Variants in CD244 observed in about 807,000 individuals in gnomAD.
CD244 encodes the protein CD244 molecule.
CD244 carries 20 observed loss-of-function variants against 45.5 expected under a neutral mutation model. The observed-to-expected ratio is 0.44, with a 90% CI of 0.31 to 0.64. The LOEUF is 0.64. Among genes scored for constraint, CD244 ranks in the 30% least tolerant of loss-of-function variants. CD244 has a pLI of 0.08. For synonymous variants in CD244, 185 were observed against 160.5 expected, an observed-to-expected ratio of 1.15 and a Z score of -1.15; for missense variants, 407 against 426.9, an observed-to-expected ratio of 0.95 and a Z score of 0.41.
chr1:160,839,727 G>A (rs1669465678), intron 3 of CD244, among the ~76,000 whole-genome samples: 1 of 152,198 alleles, frequency 6.6e-6, no homozygotes. Context: ...ATCTGTGGTT[G>A]CGAGGTGGGT....
Position 160,862,314 on chromosome 1 carries a change from C to T in CD244, c.61+303G>A, listed in dbSNP as rs151300465. On this transcript the variant is annotated intron_variant, in intron 1 of 8. Coordinates refer to ENST00000368034, the MANE Select transcript of CD244 (RefSeq NM_016382.4). ...ATGCAATTTTCATCATCTTTACAGG[C>T]GGCTGGAAGGAGGCTTCTCTCTCCA... Among the ~76,000 whole-genome samples the T allele has an allele frequency of 9.5e-4, 144 of 152,246 alleles. 1 individual carries two copies. The highest frequency in any genetic ancestry group is 3.3e-3 in the African/African-American group (136 of 41,544).
rs1557833314 is a variant in CD244 at position 160,838,394 on chromosome 1, T to C, written c.834+57A>G. On this transcript the variant is annotated intron_variant, in intron 5 of 8. Coordinates refer to ENST00000368034, the MANE Select transcript of CD244 (RefSeq NM_016382.4). ...GTCCCTCTGCTCTGAATAACCATCA[T>C]TGAAAGAGCATTTTCCAAGCCAGCT... 4.0e-6 allele frequency: 5 copies of C among 1,256,674 alleles called. No individual in the cohort carries two copies. The East Asian group carries it at 6.9e-5, about 17-fold the overall frequency. 77.8% of individuals were successfully genotyped at this position (1,256,674 alleles called of 1,614,324 possible).
intron 7 of CD244, among the ~76,000 whole-genome samples, chr1:160,833,073 A>G (rs1351815639): frequency 6.6e-6 from 1 of 151,968 alleles, no homozygotes; most frequent in Non-Finnish European, 1.5e-5. Flanking sequence ...AATGTAAACA[A>G]TCCAGGCATA....
chr1:160,836,403 A>C (rs1251798043), intron 5 of CD244, 149 bp from the exon 6 acceptor site: 2 of 676,582 alleles, frequency 3.0e-6, no homozygotes, highest in Non-Finnish European at 5.3e-6. Flanking sequence ...GATCCTCCCA[A>C]GATGGGAAGA....
chr1:160,832,686 A>T (rs774279904), intron 7 of CD244, 111 bp from the exon 8 acceptor site: 4 of 1,550,964 alleles, frequency 2.6e-6, no homozygotes, highest in Non-Finnish European at 3.5e-6. Context: ...ATTCTGAGGC[A>T]CTCTCAGCCA....
intron 1 of CD244, among the ~76,000 whole-genome samples, chr1:160,854,686 T>C (rs1325887523): frequency 2.6e-5 from 4 of 152,062 alleles, no homozygotes; most frequent in Admixed American, 6.6e-5. Context: ...CTCCCAGCCA[T>C]AGACTTCTAA....
chr1:160,835,515 G>A (rs1669302408), intron 6 of CD244, among the ~76,000 whole-genome samples: 1 of 152,144 alleles, frequency 6.6e-6, no homozygotes, highest in Admixed American at 6.5e-5. Context: ...AGGAGGCTGA[G>A]GTGGGAGGAT....
chr1:160,858,812 T>C (rs12038600), intron 1 of CD244, among the ~76,000 whole-genome samples: 45,458 of 152,024 alleles, frequency 0.3, 8,196 homozygotes, highest in African/African-American at 0.5. Context: ...TTCAGAGCTA[T>C]TCAAAATATA....
At chr1:160,846,744 A>G (rs376091073) in intron 1 of CD244, among the ~76,000 whole-genome samples, 18 of 152,358 alleles carry the variant, frequency 1.2e-4, no homozygotes, top group African/African-American at 4.1e-4. Flanking sequence ...AATTTGTCAC[A>G]AAAAGGCCTG....
At chr1:160,833,320 G>T (rs1196300022) in intron 7 of CD244, among the ~76,000 whole-genome samples, 2 of 152,102 alleles carry the variant, frequency 1.3e-5, no homozygotes, top group Non-Finnish European at 2.9e-5. Context: ...TCAAACCTGT[G>T]GTCCCTGACC....
At chr1:160,856,906 T>C (rs1242219567) in intron 1 of CD244, among the ~76,000 whole-genome samples, 1 of 151,172 alleles carries the variant, frequency 6.6e-6, no homozygotes, top group Non-Finnish European at 1.5e-5. Flanking sequence ...GGAAAAAAAA[T>C]TGCAAACTAT....
Position 160,838,517 on chromosome 1 carries a change from C to T in CD244, c.768G>A (p.Glu256=). Reference sequence around the variant, plus strand: ...TTGTCAAAAATTCCTTGGGACTGGTCTCTGAGGGAGGAAGAAAACAAAGAG... The same window carrying T: ...TTGTCAAAAATTCCTTGGGACTGGTTTCTGAGGGAGGAAGAAAACAAAGAG... ...WRRKRKEKQS[E]TSPKEFLTIY... is the part of the protein sequence containing the mutation. Residue 256 remains glutamate (E), a splice_region_variant and synonymous_variant, in exon 5 of 9, where the codon GAG becomes GAA. Coordinates refer to ENST00000368034, the MANE Select transcript of CD244 (RefSeq NM_016382.4). 6.2e-7 allele frequency: 1 copy of T among 1,611,008 alleles called. No homozygotes were observed. Among genetic ancestry groups the T allele is most frequent in the South Asian group, 1.1e-5 (1 of 91,000 alleles).
Position 160,838,526 on chromosome 1 carries a change from A to C in CD244, c.767-8T>G, listed in dbSNP as rs1248114704. 1 of 1,607,168 alleles carries C rather than the reference A, an allele frequency of 6.2e-7. No homozygotes were observed. ...ATTCCTTGGGACTGGTCTCTGAGGG[A>C]GGAAGAAAACAAAGAGCAGAGCTGC... On this transcript the variant is annotated splice_polypyrimidine_tract_variant and splice_region_variant and intron_variant, in intron 4 of 8. Coordinates refer to ENST00000368034, the MANE Select transcript of CD244 (RefSeq NM_016382.4).
intron 1 of CD244, among the ~76,000 whole-genome samples, chr1:160,847,269 C>A (rs559211095): frequency 6.6e-6 from 1 of 151,978 alleles, no homozygotes; most frequent in Non-Finnish European, 1.5e-5. Flanking sequence ...AGTTTTATTA[C>A]ATCTGTCTCT....
At chr1:160,842,268 G>C (rs1428486478) in intron 1 of CD244, among the ~76,000 whole-genome samples, 2 of 152,024 alleles carry the variant, frequency 1.3e-5, no homozygotes, top group African/African-American at 4.8e-5. Context: ...TTGTTTTCTA[G>C]AGACAGGGTC....
intron 1 of CD244, among the ~76,000 whole-genome samples, chr1:160,842,278 C>A (rs1052775361): frequency 4.6e-5 from 7 of 152,098 alleles, no homozygotes; most frequent in African/African-American, 1.7e-4. Context: ...GAGACAGGGT[C>A]TCACTCTGTC....
chr1:160,841,266 A>G lies in CD244; in HGVS notation c.599T>C (p.Val200Ala). ...HTYTCNVSNPVSWESHTLNLT... is the reference protein window; with the variant it reads ...HTYTCNVSNPASWESHTLNLT... Reference sequence around the variant, plus strand: ...ATTCAGGGTGTGGCTTTCCCAGCTAACAGGATTGCTGACATTGCAGGTATA... The same window carrying G: ...ATTCAGGGTGTGGCTTTCCCAGCTAGCAGGATTGCTGACATTGCAGGTATA... Residue 200 changes from valine to alanine, a missense_variant, in exon 3 of 9, where the codon GTT (valine) becomes GCT (alanine). By Grantham distance (64) the Val-to-Ala change is moderately conservative (BLOSUM62 0). Transcript: ENST00000368034. 6.2e-7 allele frequency: 1 copy of G among 1,614,218 alleles called. No individual in the cohort carries two copies. The highest frequency in any genetic ancestry group is 8.5e-7 in the Non-Finnish European group (1 of 1,180,032).
chr1:160,848,415 T>C, intron 1 of CD244: 5 of 554,470 alleles, frequency 9.0e-6, no homozygotes, highest in Admixed American at 1.9e-5. Context: ...AAAGGGGGCA[T>C]GAATATTGCA....
At chr1:160,845,333 G>A (rs12354108) in intron 1 of CD244, among the ~76,000 whole-genome samples, 4,472 of 152,158 alleles carry the variant, frequency 0.029, 191 homozygotes, top group African/African-American at 0.095. Context: ...TATCCAGAGT[G>A]AAGTAAAGAA....
Sources: gnomAD v4.1 joint callset for allele counts (sites outside exome capture counted in the v4.1 genomes callset) on GRCh38, gnomAD v4.1.1 for gene constraint, MANE v1.5 for transcripts, NCBI Gene and HGNC (gene_info 2026-07-23, HGNC 2026-07-21) for gene names.